The following USF3 variants were observed in gnomAD, a reference collection of about 807,000 sequenced individuals.
USF3 encodes the protein basic helix-loop-helix domain-containing protein USF3.
In USF3, 29 loss-of-function variants were observed where a neutral mutation model predicts 157.5. The observed-to-expected ratio is 0.18, with a 90% CI of 0.14 to 0.25. USF3 has a LOEUF of 0.25. USF3 is among the 10% of genes least tolerant of loss of function. The pLI is 1.00. For missense variants in USF3, 2,381 were observed against 2,667.6 expected (o/e 0.89, Z 2.37); for synonymous variants, 893 against 941.4 (o/e 0.95, Z 0.94).
intron 1 of USF3, among the ~76,000 whole-genome samples, chr3:113,687,187 G>T (rs942227251): frequency 6.7e-6 from 1 of 149,186 alleles, no homozygotes. Flanking sequence ...TTGGCCATTG[G>T]GTGCTCTTTT....
chr3:113,655,922 G>T lies in USF3; in HGVS notation c.5760C>A (p.Ser1920=). 6.2e-7 allele frequency: 1 copy of T among 1,614,148 alleles called. No homozygotes were observed. The highest frequency in any genetic ancestry group is 8.5e-7 in the Non-Finnish European group (1 of 1,180,026). The part of the protein sequence containing the change: ...NTSPNVSVQK[S]NPMRITESHA... ...GACTCTCAGTAATCCTCATGGGATT[G>T]GATTTCTGTACAGAAACATTGGGGC... Residue 1920 remains serine, a synonymous_variant, in exon 7 of 7, where the codon TCC becomes TCA. Transcript: ENST00000316407.
At chr3:113,662,326 C>T (rs1039212440) in intron 6 of USF3, among the ~76,000 whole-genome samples, 11 of 152,226 alleles carry the variant, frequency 7.2e-5, no homozygotes, top group Non-Finnish European at 1.3e-4. Context: ...GCAGTGAGGG[C>T]ATTGTCACAG....
intron 1 of USF3, among the ~76,000 whole-genome samples, chr3:113,687,017 TTATG>T (rs1707566260): frequency 6.6e-6 from 1 of 152,124 alleles, no homozygotes; most frequent in South Asian, 2.1e-4. Flanking sequence ...GGAAAAAGGA[TTATG>T]TATTTAGAAT....
Position 113,658,200 on chromosome 3 carries a change from G to C in USF3, c.3482C>G (p.Ala1161Gly), listed in dbSNP as rs763081300. The C allele has an allele frequency of 6.2e-7, 1 of 1,614,024 alleles. No individual in the cohort carries two copies. Among genetic ancestry groups the C allele is most frequent in the Non-Finnish European group, 8.5e-7 (1 of 1,180,018 alleles). The change falls in exon 7 of 7, where the codon GCT (alanine) becomes GGT (glycine). Residue 1161 changes from alanine (A) to glycine (G), a missense_variant. Coordinates refer to ENST00000316407, the MANE Select transcript of USF3 (RefSeq NM_001009899.4). ...VGLQADIREV[A>G]SKPSEASLLE... ...CAATGATGCTTCAGAAGGCTTTGAAGCAACTTCCCTTATATCAGCCTGGAG... is the reference window on the plus strand; with the variant it reads ...CAATGATGCTTCAGAAGGCTTTGAACCAACTTCCCTTATATCAGCCTGGAG...
At chr3:113,679,674 A>C (rs1207022767) in intron 1 of USF3, among the ~76,000 whole-genome samples, 2 of 152,140 alleles carry the variant, frequency 1.3e-5, no homozygotes, top group Non-Finnish European at 2.9e-5. Context: ...TTGGCCTCCC[A>C]AAGTGCTGGG....
chr3:113,666,635 G>A (rs1204726355), intron 5 of USF3, among the ~76,000 whole-genome samples: 3 of 143,242 alleles, frequency 2.1e-5, no homozygotes, highest in South Asian at 4.5e-4. Context: ...GTAGTGGCGC[G>A]ATCTCAGCTC....
At chr3:113,663,971 C>T (rs1210631217) in intron 6 of USF3, among the ~76,000 whole-genome samples, 2 of 152,152 alleles carry the variant, frequency 1.3e-5, no homozygotes, top group Non-Finnish European at 2.9e-5. Flanking sequence ...AGCAGAACTC[C>T]CCCCTTACAT....
rs1188572614 is a variant in USF3 at position 113,680,062 on chromosome 3, T to TC, written c.-134-2666_-134-2665insG. ...ATTGGCCTGTAGTTTTCTTTTTTTT[T>TC]TTTTTTTTTTTTTTTGATGTGTCTT... On this transcript the variant is annotated intron_variant, in intron 1 of 6. Transcript: ENST00000316407. Among the ~76,000 whole-genome samples the TC allele has an allele frequency of 3.1e-4, 45 of 145,634 alleles. No individual in the cohort carries two copies. In the East Asian group the frequency reaches 8.3e-3, roughly 27 times the overall value.
In USF3 at chr3:113,655,332, G is replaced by A. The variant is rs2107915364; in HGVS notation, c.6350C>T (p.Ala2117Val). ...LPSFYPPYSP[A>V]HPTLSNDISI... ...AATATCATTGGACAGTGTAGGATGAGCAGGAGAGTATGGAGGATAGAAGGA... is the reference window on the plus strand; with the variant it reads ...AATATCATTGGACAGTGTAGGATGAACAGGAGAGTATGGAGGATAGAAGGA... Residue 2117 changes from alanine to valine, a missense_variant, in exon 7 of 7, where the codon GCT becomes GTT. Ala to Val is a moderately conservative substitution (Grantham distance 64). Coordinates refer to ENST00000316407, the MANE Select transcript of USF3 (RefSeq NM_001009899.4). The A allele has an allele frequency of 6.2e-7, 1 of 1,614,102 alleles. No homozygotes were observed. The highest frequency in any genetic ancestry group is 2.2e-5 in the East Asian group (1 of 44,884).
intron 5 of USF3, among the ~76,000 whole-genome samples, chr3:113,669,374 G>A (rs936197722): frequency 6.6e-6 from 1 of 151,598 alleles, no homozygotes; most frequent in African/African-American, 2.4e-5. Context: ...AGCTATGTTG[G>A]GGTTAGGAAG....
At position 113,658,275 on chromosome 3, in the gene USF3, G is replaced by T. The variant is rs1375576730; in HGVS notation, c.3407C>A (p.Ala1136Glu). ...CTCCTGGTCAAAAATAGCTCTTGCT[G>T]CAAGAGCTACTATATCAGTTTGCTC... ...FVEQTDIVAL[A>E]ARAIFDQENL... Residue 1136 changes from alanine to glutamate, a missense_variant, in exon 7 of 7, where the codon GCA (alanine) becomes GAA (glutamate). Physicochemically the swap from Ala to Glu is moderately radical, Grantham distance 107. Coordinates refer to ENST00000316407, the MANE Select transcript of USF3 (RefSeq NM_001009899.4). 6.2e-7 allele frequency: 1 copy of T among 1,614,024 alleles called. No homozygotes were observed. Among genetic ancestry groups the T allele is most frequent in the African/African-American group, 1.3e-5 (1 of 74,912 alleles).
rs749611906 is a variant in USF3 at position 113,656,117 on chromosome 3, T to A, written c.5565A>T (p.Glu1855Asp). ...NTQCGPSSAI[E>D]YNCPPTHENV... The stretch of plus-strand genomic sequence containing the variant: ...TTTCATGAGTTGGGGGACAATTATA[T>A]TCAATTGCAGAGGATGGACCACACT... Residue 1855 changes from glutamate (E) to aspartate (D), a missense_variant, in exon 7 of 7, where the codon GAA becomes GAT. This residue lies in a region of USF3 where 770 missense variants were observed against 824.2 expected (regional missense o/e 0.93). Coordinates refer to ENST00000316407, the MANE Select transcript of USF3 (RefSeq NM_001009899.4). 6 of 1,614,202 alleles carry A rather than the reference T, an allele frequency of 3.7e-6. No individual in the cohort carries two copies. The South Asian group carries it at 6.6e-5, about 18-fold the overall frequency.
At position 113,661,766 on chromosome 3, in the gene USF3, A is replaced by T. The variant is rs142419080; in HGVS notation, c.257-341T>A. On this transcript the variant is annotated intron_variant, in intron 6 of 6. Transcript: ENST00000316407. ...CTGATATCATGGCAACATGCTAGCA[A>T]GATAACATTGAATATCAATATGCCA... 4.5e-3 allele frequency among the ~76,000 whole-genome samples: 685 copies of T among 152,374 alleles called. 7 individuals are homozygous for T. The highest frequency in any genetic ancestry group is 0.016 in the African/African-American group (651 of 41,582).
rs1947466979 is a variant in USF3 at position 113,660,659 on chromosome 3, G to A, written c.1023C>T (p.Thr341=). 6.2e-7 allele frequency: 1 copy of A among 1,614,038 alleles called. No homozygotes were observed. The highest frequency in any genetic ancestry group is 8.5e-7 in the Non-Finnish European group (1 of 1,180,020). ...FQNTFVVSVT[T]TVCSQPPRTA... ...TTCTGGGAGGCTGCGAGCAGACTGT[G>A]GTGGTAACTGAAACAACAAAAGTGT... The change falls in exon 7 of 7, where the codon ACC becomes ACT. Residue 341 remains threonine, a synonymous_variant. Coordinates refer to ENST00000316407, the MANE Select transcript of USF3 (RefSeq NM_001009899.4).
intron 1 of USF3, among the ~76,000 whole-genome samples, chr3:113,679,009 G>GTTTCTC (rs1553700996): frequency 1.4e-5 from 2 of 144,062 alleles, no homozygotes; most frequent in Non-Finnish European, 3.0e-5. Context: ...CCAGGCTGGT[G>GTTTCTC]TCTCTCTCTC....
At position 113,676,262 on chromosome 3, in the gene USF3, C is replaced by A. The variant is rs140106448; in HGVS notation, c.-19+1020G>T. ...TTATAGCAGTGCCCCACTCCCAGTA[C>A]CAATTTACTGTGTTAGTCCATTGTC... is the stretch of plus-strand genomic sequence containing the variant. On this transcript the variant is annotated intron_variant, in intron 2 of 6. Coordinates refer to ENST00000316407, the MANE Select transcript of USF3 (RefSeq NM_001009899.4). Among the ~76,000 whole-genome samples the A allele has an allele frequency of 1.2e-3, 184 of 152,282 alleles. 1 individual carries two copies. The highest frequency in any genetic ancestry group is 4.2e-3 in the African/African-American group (176 of 41,554).
chr3:113,656,745 A>G lies in USF3; in HGVS notation c.4937T>C (p.Ile1646Thr), dbSNP rs779710350. ...LEQQMVSQPS[I>T]VTRSSDMTCT... ...GGTCATGTCTGAAGATCTAGTCACA[A>G]TACTTGGTTGGGACACCATTTGCTG... Residue 1646 changes from isoleucine to threonine, a missense_variant, in exon 7 of 7, where the codon ATT (isoleucine) becomes ACT (threonine). Transcript: ENST00000316407. 1 of 1,614,184 alleles carries G rather than the reference A, an allele frequency of 6.2e-7. No homozygotes were observed. The highest frequency in any genetic ancestry group is 8.5e-7 in the Non-Finnish European group (1 of 1,180,038).
intron 2 of USF3, among the ~76,000 whole-genome samples, chr3:113,676,730 G>C (rs2107945625): frequency 6.6e-6 from 1 of 152,200 alleles, no homozygotes; most frequent in South Asian, 2.1e-4. Flanking sequence ...TTTTCTCCGA[G>C]AGAGAGAAAA....
At position 113,654,323 on chromosome 3, in the gene USF3, A is replaced by G. The variant is rs1289478429; in HGVS notation, c.*621T>C. On this transcript the variant is annotated 3_prime_UTR_variant, in exon 7 of 7. Coordinates refer to ENST00000316407, the MANE Select transcript of USF3 (RefSeq NM_001009899.4). ...AACACAGCTCCCTAATTTGAAGAAC[A>G]AGACATAAAATTCAGATAATTTATG... The G allele has an allele frequency of 6.5e-6, 1 of 152,684 alleles. No homozygotes were observed. Among genetic ancestry groups the G allele is most frequent in the East Asian group, 1.9e-4 (1 of 5,206 alleles). The allele number at this position is 152,684 out of a possible 1,614,324, so 9.5% of individuals were successfully genotyped here.
Sources: allele counts gnomAD v4.1 joint callset (sites outside exome capture counted in the v4.1 genomes callset), GRCh38; gene constraint gnomAD v4.1.1; regional missense constraint gnomAD v4.1.1; transcripts MANE v1.5; gene names NCBI Gene and HGNC (gene_info 2026-07-23, HGNC 2026-07-21).